Variants in CACNA2D3 observed in about 807,000 individuals in gnomAD.
CACNA2D3 encodes calcium voltage-gated channel auxiliary subunit alpha2delta 3, also known as voltage-dependent calcium channel subunit alpha-2/delta-3.
A neutral mutation model predicts 160.6 loss-of-function variants in CACNA2D3; 60 were observed. The observed-to-expected ratio is 0.37, with a 90% CI of 0.30 to 0.46. The LOEUF is 0.46. CACNA2D3 is among the 20% of genes least tolerant of loss of function. The pLI is 1.00. For missense variants in CACNA2D3, 1,205 were observed against 1,365.0 expected, an observed-to-expected ratio of 0.88 and a Z score of 1.85; for synonymous variants, 558 against 492.9, an observed-to-expected ratio of 1.13 and a Z score of -1.75.
intron 35 of CACNA2D3, among the ~76,000 whole-genome samples, chr3:55,067,282 T>A (rs751569053): frequency 6.6e-6 from 1 of 152,170 alleles, no homozygotes; most frequent in Non-Finnish European, 1.5e-5. Context: ...GTTTGAGCTC[T>A]AATCGTTCCA....
intron 9 of CACNA2D3, among the ~76,000 whole-genome samples, chr3:54,582,984 T>G (rs998572761): frequency 9.2e-5 from 14 of 152,210 alleles, no homozygotes; most frequent in Non-Finnish European, 1.3e-4. Context: ...AGGAACCAAG[T>G]ACACTGAAGT....
chr3:54,689,689 C>A (rs932246481), intron 11 of CACNA2D3, among the ~76,000 whole-genome samples: 28 of 151,982 alleles, frequency 1.8e-4, no homozygotes, highest in Non-Finnish European at 3.7e-4. Flanking sequence ...TTAGTCAATC[C>A]TCGTGGCTCT....
chr3:55,040,125 C>T (rs910739751), intron 35 of CACNA2D3, among the ~76,000 whole-genome samples: 7 of 152,200 alleles, frequency 4.6e-5, no homozygotes, highest in Admixed American at 2.0e-4. Flanking sequence ...TGTATCCTCA[C>T]GTGATAGATG....
At chr3:54,563,019 T>C (rs1209911494) in intron 6 of CACNA2D3, 88 bp downstream of exon 6, 5 of 1,250,472 alleles carry the variant, frequency 4.0e-6, no homozygotes, top group Non-Finnish European at 5.5e-6. Flanking sequence ...GTTAAAACTT[T>C]TCTGCCTTTT....
At chr3:54,701,217 C>T (rs1374634469) in intron 11 of CACNA2D3, among the ~76,000 whole-genome samples, 1 of 152,108 alleles carries the variant, frequency 6.6e-6, no homozygotes, top group Non-Finnish European at 1.5e-5. Context: ...TGTGTGCACT[C>T]CACCAAAAAA....
At position 55,039,619 on chromosome 3, in the gene CACNA2D3, T is replaced by G. The variant is rs182717543; in HGVS notation, c.2987+21302T>G. Among the ~76,000 whole-genome samples, 602 of 152,328 alleles carry G rather than the reference T, an allele frequency of 4.0e-3. 5 individuals carry two copies. Among genetic ancestry groups the G allele is most frequent in the Middle Eastern group, 6.8e-3 (2 of 294 alleles). On this transcript the variant is annotated intron_variant, in intron 35 of 37. Coordinates refer to ENST00000474759, the MANE Select transcript of CACNA2D3 (RefSeq NM_018398.3). ...ACCTTTTGACAGTACCTCATTAGTC[T>G]TTGATAATTTCCTTGGGTTCTGCAT...
chr3:54,345,443 A>G (rs1698438938), intron 3 of CACNA2D3, among the ~76,000 whole-genome samples: 1 of 152,156 alleles, frequency 6.6e-6, no homozygotes, highest in African/African-American at 2.4e-5. Context: ...CTGAAGGGAA[A>G]CCAGCTGGTC....
intron 4 of CACNA2D3, among the ~76,000 whole-genome samples, chr3:54,467,919 A>G (rs1051066415): frequency 1.3e-5 from 2 of 152,222 alleles, no homozygotes; most frequent in African/African-American, 4.8e-5. Flanking sequence ...GAGGTGATGG[A>G]TATGGTAATT....
intron 35 of CACNA2D3, among the ~76,000 whole-genome samples, chr3:55,031,881 G>A (rs1024793133): frequency 6.6e-6 from 1 of 152,152 alleles, no homozygotes; most frequent in African/African-American, 2.4e-5. Flanking sequence ...TAAAATCATT[G>A]TATCAGATGC....
intron 14 of CACNA2D3, among the ~76,000 whole-genome samples, chr3:54,824,190 G>A (rs776785199): frequency 4.6e-5 from 7 of 152,198 alleles, no homozygotes; most frequent in Non-Finnish European, 5.9e-5. Flanking sequence ...TAGCTTATCA[G>A]TAATCCTTAT....
intron 21 of CACNA2D3, among the ~76,000 whole-genome samples, chr3:54,884,637 T>C (rs1445569537): frequency 6.6e-6 from 1 of 152,216 alleles, no homozygotes; most frequent in African/African-American, 2.4e-5. Flanking sequence ...GTTAGGATGG[T>C]CTGGAACCTT....
intron 11 of CACNA2D3, among the ~76,000 whole-genome samples, chr3:54,736,107 A>ATGTAAG (rs1701519067): frequency 4.7e-5 from 1 of 21,318 alleles, no homozygotes; most frequent in African/African-American, 1.4e-4. Context: ...ATACATATAT[A>ATGTAAG]TGTATATATA....
At chr3:55,070,058 A>G (rs548924787) in intron 35 of CACNA2D3, among the ~76,000 whole-genome samples, 1 of 152,324 alleles carries the variant, frequency 6.6e-6, no homozygotes, top group Non-Finnish European at 1.5e-5. Flanking sequence ...GACTCAACAA[A>G]TACTTACTGA....
At chr3:54,916,337 T>TC (rs972916817) in intron 27 of CACNA2D3, among the ~76,000 whole-genome samples, 18 of 152,274 alleles carry the variant, frequency 1.2e-4, no homozygotes, top group African/African-American at 4.3e-4. Flanking sequence ...AAAGGTTTTT[T>TC]CACTTGGAAA....
intron 11 of CACNA2D3, among the ~76,000 whole-genome samples, chr3:54,655,153 T>C (rs1183182065): frequency 3.3e-5 from 5 of 152,344 alleles, no homozygotes; most frequent in East Asian, 3.9e-4. Flanking sequence ...TCTACTGATA[T>C]GTCAAGTTCT....
chr3:54,919,436 CA>C lies in CACNA2D3; in HGVS notation c.2449+19570del, dbSNP rs1456157306. Reference sequence around the variant, plus strand: ...GTCTTGGAGTGATCTGTGGATTTGACAATACTGGAAGTTTAGTTCCTGGAAT... The same window carrying C: ...GTCTTGGAGTGATCTGTGGATTTGACATACTGGAAGTTTAGTTCCTGGAAT... On this transcript the variant is annotated intron_variant, in intron 27 of 37. Transcript: ENST00000474759. 5.3e-5 allele frequency among the ~76,000 whole-genome samples: 8 copies of C among 152,326 alleles called. No individual in the cohort carries two copies. In the South Asian group the frequency reaches 6.2e-4, roughly 12 times the overall value.
intron 13 of CACNA2D3, among the ~76,000 whole-genome samples, chr3:54,801,203 G>T (rs549701680): frequency 9.2e-5 from 14 of 152,146 alleles, no homozygotes; most frequent in South Asian, 4.2e-4. Flanking sequence ...GGCCAGGCTG[G>T]TGTCAAACTC....
At chr3:54,888,862 C>T (rs1351941726) in intron 24 of CACNA2D3, among the ~76,000 whole-genome samples, 1 of 152,086 alleles carries the variant, frequency 6.6e-6, no homozygotes, top group Non-Finnish European at 1.5e-5. Flanking sequence ...AGACTCTGAG[C>T]GAGGTGTTGG....
chr3:54,590,917 T>G (rs1702846892), intron 9 of CACNA2D3, among the ~76,000 whole-genome samples: 2 of 152,222 alleles, frequency 1.3e-5, no homozygotes, highest in Non-Finnish European at 1.5e-5. Context: ...AAAAAAGTAC[T>G]GATTGTGGTT....
Sources: allele counts gnomAD v4.1 joint callset (sites outside exome capture counted in the v4.1 genomes callset), GRCh38; gene constraint gnomAD v4.1.1; transcripts MANE v1.5; gene names NCBI Gene and HGNC (gene_info 2026-07-23, HGNC 2026-07-21).